The following GSK3B variants were observed in gnomAD, a reference collection of about 807,000 sequenced individuals.
GSK3B encodes the protein glycogen synthase kinase-3 beta.
In GSK3B, 15 loss-of-function variants were observed where a neutral mutation model predicts 56.4. The ratio of observed to expected loss-of-function variants is 0.27; its 90% CI spans 0.18 to 0.41. The LOEUF is 0.41. GSK3B is among the 10% of genes least tolerant of loss of function. GSK3B has a pLI of 1.00. For synonymous variants in GSK3B, 181 were observed against 188.9 expected, an observed-to-expected ratio of 0.96 and a Z score of 0.34; for missense variants, 300 against 513.4, an observed-to-expected ratio of 0.58 and a Z score of 4.02.
At chr3:120,008,630 T>C (rs1405194062) in intron 1 of GSK3B, among the ~76,000 whole-genome samples, 1 of 152,152 alleles carries the variant, frequency 6.6e-6, no homozygotes, top group Non-Finnish European at 1.5e-5. Context: ...ATTTAATAAA[T>C]GGTGCTGGAA....
intron 9 of GSK3B, among the ~76,000 whole-genome samples, chr3:119,845,613 G>A (rs2055844621): frequency 1.3e-5 from 2 of 152,234 alleles, no homozygotes; most frequent in African/African-American, 2.4e-5. Flanking sequence ...GGGATGTGAA[G>A]GATCTCTTCA....
intron 5 of GSK3B, among the ~76,000 whole-genome samples, chr3:119,915,563 A>C (rs1245411911): frequency 6.6e-6 from 1 of 152,112 alleles, no homozygotes; most frequent in African/African-American, 2.4e-5. Flanking sequence ...ATATATATAT[A>C]TAGTCACATT....
At chr3:120,048,638 C>T (rs1215673898) in intron 1 of GSK3B, among the ~76,000 whole-genome samples, 1 of 152,110 alleles carries the variant, frequency 6.6e-6, no homozygotes, top group African/African-American at 2.4e-5. Flanking sequence ...ATAAAAAATG[C>T]ACTAGATAGG....
At chr3:120,003,809 C>A (rs2057699779) in intron 1 of GSK3B, among the ~76,000 whole-genome samples, 1 of 152,214 alleles carries the variant, frequency 6.6e-6, no homozygotes, top group Non-Finnish European at 1.5e-5. Context: ...CAGTTCTGGT[C>A]TACAACTCCC....
intron 7 of GSK3B, among the ~76,000 whole-genome samples, chr3:119,895,845 T>G (rs2056557113): frequency 6.6e-6 from 1 of 152,080 alleles, no homozygotes; most frequent in African/African-American, 2.4e-5. Flanking sequence ...GAAGTGTGGC[T>G]GGGCGTGGTG....
At chr3:120,008,888 A>G (rs2057753228) in intron 1 of GSK3B, among the ~76,000 whole-genome samples, 2 of 152,224 alleles carry the variant, frequency 1.3e-5, no homozygotes, top group African/African-American at 2.4e-5. Flanking sequence ...GAGCTTCTTC[A>G]CAGCAAAAGA....
At chr3:120,034,430 T>C (rs1242671902) in intron 1 of GSK3B, among the ~76,000 whole-genome samples, 1 of 152,208 alleles carries the variant, frequency 6.6e-6, no homozygotes, top group Non-Finnish European at 1.5e-5. Context: ...TTAAACTTCA[T>C]TCATTTGCAT....
chr3:119,827,854 G>C (rs2055539167), intron 10 of GSK3B, among the ~76,000 whole-genome samples: 1 of 134,762 alleles, frequency 7.4e-6, no homozygotes, highest in Middle Eastern at 3.6e-3. Context: ...GGGAAGTGGG[G>C]ATGGTTAATG....
intron 10 of GSK3B, among the ~76,000 whole-genome samples, chr3:119,827,959 A>G (rs1210515327): frequency 1.3e-5 from 2 of 152,226 alleles, no homozygotes; most frequent in African/African-American, 4.8e-5. Context: ...TTAAAATAAC[A>G]AAGTATGACT....
At chr3:119,879,448 T>G (rs1009563484) in intron 7 of GSK3B, among the ~76,000 whole-genome samples, 6 of 152,158 alleles carry the variant, frequency 3.9e-5, no homozygotes, top group Non-Finnish European at 8.8e-5. Flanking sequence ...CCCAAAGTGT[T>G]GGGATTACAG....
chr3:120,067,748 T>C (rs1184617168), intron 1 of GSK3B, among the ~76,000 whole-genome samples: 7 of 152,206 alleles, frequency 4.6e-5, no homozygotes, highest in Admixed American at 6.5e-5. Context: ...CAGCAAAACC[T>C]TGAATGTGGG....
intron 1 of GSK3B, among the ~76,000 whole-genome samples, chr3:120,087,958 T>C (rs575222663): frequency 5.9e-4 from 90 of 152,124 alleles, no homozygotes; most frequent in Non-Finnish European, 6.8e-4. Context: ...AGTGGCACGA[T>C]CTCAGCTCAC....
chr3:119,914,368 T>C (rs1306789192), intron 5 of GSK3B, among the ~76,000 whole-genome samples: 1 of 152,024 alleles, frequency 6.6e-6, no homozygotes, highest in Admixed American at 6.6e-5. Context: ...GCGAAATCCC[T>C]CTTCCAAATT....
In GSK3B at chr3:120,002,144, T is replaced by C. The variant is rs1178691948; in HGVS notation, c.184A>G (p.Ile62Val). The change falls in exon 2 of 11, where the codon ATT (isoleucine) becomes GTT (valine). Residue 62 changes from isoleucine to valine, a missense_variant. Ile to Val is a conservative substitution (Grantham distance 29). Coordinates refer to ENST00000264235, the MANE Select transcript of GSK3B (RefSeq NM_001146156.2). ...ACCACACCAAATGATCCATTTCCAA[T>C]CACTTTAGTGTCTGTATAGCTGACT... Reference protein sequence around the residue: ...QEVSYTDTKVIGNGSFGVVYQ... With the variant: ...QEVSYTDTKVVGNGSFGVVYQ... The C allele has an allele frequency of 2.5e-6, 4 of 1,612,520 alleles. No individual in the cohort carries two copies. The highest frequency in any genetic ancestry group is 2.2e-5 in the East Asian group (1 of 44,814).
intron 2 of GSK3B, among the ~76,000 whole-genome samples, chr3:119,957,227 A>G (rs1377372911): frequency 6.6e-6 from 1 of 152,240 alleles, no homozygotes; most frequent in Admixed American, 6.5e-5. Context: ...ATTTTAAATT[A>G]TAGTTATAAA....
chr3:119,839,151 G>A (rs1023231958), intron 10 of GSK3B, among the ~76,000 whole-genome samples: 1 of 152,130 alleles, frequency 6.6e-6, no homozygotes, highest in Non-Finnish European at 1.5e-5. Flanking sequence ...CACAATCTGG[G>A]TATGAAAATG....
At chr3:119,940,965 GC>G (rs1432308877) in intron 3 of GSK3B, among the ~76,000 whole-genome samples, 3 of 151,604 alleles carry the variant, frequency 2.0e-5, no homozygotes, top group Non-Finnish European at 2.9e-5. Context: ...ATACCTTTTA[GC>G]TATTATTATC....
intron 1 of GSK3B, among the ~76,000 whole-genome samples, chr3:120,073,439 T>C (rs929435040): frequency 3.3e-5 from 5 of 152,062 alleles, no homozygotes; most frequent in African/African-American, 9.7e-5. Context: ...TTTTGCAATA[T>C]GGATTTCAAC....
At chr3:120,031,510 G>A (rs1253549346) in intron 1 of GSK3B, among the ~76,000 whole-genome samples, 1 of 152,196 alleles carries the variant, frequency 6.6e-6, no homozygotes, top group Non-Finnish European at 1.5e-5. Flanking sequence ...TCAGGACTCT[G>A]CTACTTCCTA....
Sources: allele counts gnomAD v4.1 joint callset (sites outside exome capture counted in the v4.1 genomes callset), GRCh38; gene constraint gnomAD v4.1.1; transcripts MANE v1.5; gene names NCBI Gene and HGNC (gene_info 2026-07-23, HGNC 2026-07-21).